Variants in NRBP1 observed in about 807,000 individuals in gnomAD.
The protein encoded by NRBP1 is nuclear receptor-binding protein.
A neutral mutation model predicts 76.0 loss-of-function variants in NRBP1; 10 were observed. That is an observed-to-expected ratio of 0.13 (90% CI 0.08 to 0.22). NRBP1 has a LOEUF of 0.22. Among genes scored for constraint, NRBP1 ranks in the 10% least tolerant of loss-of-function variants. NRBP1 has a pLI of 1.00. For synonymous variants in NRBP1, 235 were observed against 240.2 expected (o/e 0.98, Z 0.20); for missense variants, 344 against 646.0 (o/e 0.53, Z 5.07).
chr2:27,437,353 T>C lies in NRBP1; in HGVS notation c.896T>C (p.Leu299Ser), dbSNP rs1275723999. The change falls in exon 10 of 18, where the codon TTA (leucine) becomes TCA (serine). Residue 299 changes from leucine to serine, a missense_variant. By Grantham distance (145) the Leu-to-Ser change is moderately radical (BLOSUM62 -2). Around this residue, in one of 3 missense-constraint regions of NRBP1, gnomAD observed 218 missense variants for 309.8 expected, o/e 0.70. Coordinates refer to ENST00000379852, the MANE Select transcript of NRBP1 (RefSeq NM_013392.4). Reference protein sequence around the residue: ...SSAIQLLEDPLQREFIQKCLQ... With the variant: ...SSAIQLLEDPSQREFIQKCLQ... Reference sequence around the variant, plus strand: ...GCCATCCAGCTTCTAGAAGACCCATTACAGAGGGTAAGGATCTTCAGGATC... The same window carrying C: ...GCCATCCAGCTTCTAGAAGACCCATCACAGAGGGTAAGGATCTTCAGGATC... The C allele has an allele frequency of 6.2e-7, 1 of 1,611,322 alleles. No homozygotes were observed. Among genetic ancestry groups the C allele is most frequent in the Admixed American group, 1.7e-5 (1 of 59,958 alleles).
intron 1 of NRBP1, among the ~76,000 whole-genome samples, chr2:27,430,967 T>C (rs1320126898): frequency 1.3e-5 from 2 of 152,232 alleles, no homozygotes; most frequent in Admixed American, 1.3e-4. Flanking sequence ...TATAATACTT[T>C]TTCCTATAAA....
At chr2:27,440,381 C>G in intron 11 of NRBP1, 22 bp from the exon 12 acceptor site, 1 of 1,477,028 alleles carries the variant, frequency 6.8e-7, no homozygotes, top group Non-Finnish European at 9.5e-7. Flanking sequence ...TTCATAATAT[C>G]CCACTCCATC....
chr2:27,431,343 G>C (rs1252723747), intron 1 of NRBP1, among the ~76,000 whole-genome samples: 1 of 152,114 alleles, frequency 6.6e-6, no homozygotes, highest in Non-Finnish European at 1.5e-5. Context: ...TAGTCCCCCA[G>C]AGAATGGAAA....
intron 11 of NRBP1, 97 bp downstream of exon 11, chr2:27,439,995 CTTTTT>C (rs70953859): frequency 1.3e-4 from 59 of 459,694 alleles, no homozygotes; most frequent in Middle Eastern, 8.0e-4. Context: ...CAAAGGGATT[CTTTTT>C]TTTTTTTTTT....
intron 1 of NRBP1, among the ~76,000 whole-genome samples, chr2:27,431,182 C>T (rs2148444649): frequency 6.6e-6 from 1 of 152,258 alleles, no homozygotes; most frequent in South Asian, 2.1e-4. Flanking sequence ...TGCCCGTAGT[C>T]CCAGCTACTC....
rs559214460 is a variant in NRBP1 at position 27,439,400 on chromosome 2, G to A, written c.904-366G>A. On this transcript the variant is annotated intron_variant, in intron 10 of 17. Coordinates refer to ENST00000379852, the MANE Select transcript of NRBP1 (RefSeq NM_013392.4). ...CTCGGGAGGCTGAGGCAGGAGAATG[G>A]CGTGAACCCGGTAGGCAGAGGTTGC... Among the ~76,000 whole-genome samples, 194 of 151,610 alleles carry A rather than the reference G, an allele frequency of 1.3e-3. 1 individual carries two copies. Among genetic ancestry groups the A allele is most frequent in the Admixed American group, 3.9e-3 (59 of 15,230 alleles).
In NRBP1 at chr2:27,441,852, C is replaced by T. The variant is rs1458562659; in HGVS notation, c.*40C>T. ...AGGCCCTGATCTGCGCTGTGGCTGTCCCTGGACGTGCTGCAGCCCTCCTGT... is the reference window on the plus strand; with the variant it reads ...AGGCCCTGATCTGCGCTGTGGCTGTTCCTGGACGTGCTGCAGCCCTCCTGT... On this transcript the variant is annotated 3_prime_UTR_variant, in exon 18 of 18. Coordinates refer to ENST00000379852, the MANE Select transcript of NRBP1 (RefSeq NM_013392.4). 1.0e-5 allele frequency: 13 copies of T among 1,271,794 alleles called. No individual in the cohort carries two copies. Among genetic ancestry groups the T allele is most frequent in the African/African-American group, 2.9e-5 (2 of 68,184 alleles). The allele number at this position is 1,271,794 out of a possible 1,614,324, so 78.8% of individuals were successfully genotyped here.
In NRBP1 at chr2:27,441,731, T is replaced by C; in HGVS notation, c.1527T>C (p.Ser509=). Residue 509 remains serine (S), a synonymous_variant, in exon 18 of 18, where the codon TCT becomes TCC. Transcript: ENST00000379852. ...ISEADQSRLT[S]LLEETLNKFN... ...AGGCTGACCAGAGCCGGTTGACTTC[T>C]CTGCTAGAAGAGACCTTGAACAAGT... 1 of 1,614,046 alleles carries C rather than the reference T, an allele frequency of 6.2e-7. No individual in the cohort carries two copies. Among genetic ancestry groups the C allele is most frequent in the Non-Finnish European group, 8.5e-7 (1 of 1,179,926 alleles).
intron 1 of NRBP1, among the ~76,000 whole-genome samples, chr2:27,429,985 C>A (rs1321662282): frequency 6.6e-6 from 1 of 152,178 alleles, no homozygotes; most frequent in South Asian, 2.1e-4. Flanking sequence ...TAGTGTCTTA[C>A]CATTTTCTTA....
chr2:27,429,489 AAAGTG>A (rs1484294627), intron 1 of NRBP1: 1 of 151,884 alleles, frequency 6.6e-6, no homozygotes, highest in East Asian at 1.9e-4. Context: ...GCATTACTCC[AAAGTG>A]AACACACTGC....
chr2:27,438,006 G>A (rs897817433), intron 10 of NRBP1, among the ~76,000 whole-genome samples: 2 of 151,942 alleles, frequency 1.3e-5, no homozygotes, highest in African/African-American at 2.4e-5. Context: ...GGCCAACATG[G>A]TGAAACCCTG....
In NRBP1 at chr2:27,433,227, C is replaced by T. The variant is rs573214360; in HGVS notation, c.-20-27C>T. The T allele has an allele frequency of 4.0e-6, 6 of 1,505,464 alleles. No homozygotes were observed. The South Asian group carries it at 5.6e-5, about 14-fold the overall frequency. 93.3% of individuals were successfully genotyped at this position (1,505,464 alleles called of 1,614,324 possible). Reference sequence around the variant, plus strand: ...GTATCCTGACTTTCTCTGCCTTTTCCCTCTGTATTTGCCCCAACCAGTGCA... The same window carrying T: ...GTATCCTGACTTTCTCTGCCTTTTCTCTCTGTATTTGCCCCAACCAGTGCA... On this transcript the variant is annotated intron_variant, in intron 1 of 17. Coordinates refer to ENST00000379852, the MANE Select transcript of NRBP1 (RefSeq NM_013392.4).
chr2:27,428,961 C>T (rs1663986952), intron 1 of NRBP1, among the ~76,000 whole-genome samples: 2 of 151,318 alleles, frequency 1.3e-5, no homozygotes, highest in African/African-American at 4.9e-5. Context: ...CGGCGGCGCC[C>T]CGGGATTCTG....
At chr2:27,428,461 G>C, upstream of NRBP1, 1 of 392,264 alleles carries the variant, frequency 2.5e-6, no homozygotes, top group Non-Finnish European at 4.5e-6. Context: ...ACCCCTCCGA[G>C]AGGTCTCGGC....
rs768298741 is a variant in NRBP1 at position 27,441,760 on chromosome 2, A to G, written c.1556A>G (p.Asn519Ser). Residue 519 changes from asparagine (N) to serine (S), a missense_variant, in exon 18 of 18, where the codon AAT (asparagine) becomes AGT (serine). Asn to Ser is a conservative substitution (Grantham distance 46, BLOSUM62 1). This residue lies in a region of NRBP1 where 218 missense variants were observed against 309.8 expected (regional missense o/e 0.70). Transcript: ENST00000379852. ...CTAGAAGAGACCTTGAACAAGTTCA[A>G]TTTTGCCAGGAACAGTACCCTCAAC... Reference protein sequence around the residue: ...SLLEETLNKFNFARNSTLNSA... With the variant: ...SLLEETLNKFSFARNSTLNSA... The G allele has an allele frequency of 8.7e-6, 14 of 1,613,908 alleles. No individual in the cohort carries two copies. The highest frequency in any genetic ancestry group is 1.7e-5 in the Admixed American group (1 of 59,988).
At chr2:27,439,168 A>ATT (rs1262618826) in intron 10 of NRBP1, among the ~76,000 whole-genome samples, 1 of 152,086 alleles carries the variant, frequency 6.6e-6, no homozygotes, top group African/African-American at 2.4e-5. Context: ...TTGACTAATA[A>ATT]AGCAGAGAGG....
In NRBP1 at chr2:27,437,181, G is replaced by A. The variant is rs879165744; in HGVS notation, c.804+76G>A. On this transcript the variant is annotated intron_variant, in intron 9 of 17. Coordinates refer to ENST00000379852, the MANE Select transcript of NRBP1 (RefSeq NM_013392.4). Reference sequence around the variant, plus strand: ...TTGGGAATGGAGGGAAGACAAGTAAGGCGCTGGCTTGGAGGGAGTGATTGT... The same window carrying A: ...TTGGGAATGGAGGGAAGACAAGTAAAGCGCTGGCTTGGAGGGAGTGATTGT... 5 of 1,580,292 alleles carry A rather than the reference G, an allele frequency of 3.2e-6. No individual in the cohort carries two copies. The South Asian group carries it at 5.5e-5, about 18-fold the overall frequency.
rs769843578 is a variant in NRBP1, at chr2:27,433,272, G to A, written c.-2G>A. The A allele has an allele frequency of 1.9e-6, 3 of 1,613,158 alleles. No individual in the cohort carries two copies. Among genetic ancestry groups the A allele is most frequent in the Non-Finnish European group, 2.5e-6 (3 of 1,179,594 alleles). On this transcript the variant is annotated 5_prime_UTR_variant, in exon 2 of 18. Coordinates refer to ENST00000379852, the MANE Select transcript of NRBP1 (RefSeq NM_013392.4). ...AGTGCAGGCCTGAGTGTTCCTTCCA[G>A]CATGTCGGAGGGGGAGTCCCAGACA...
Position 27,439,859 on chromosome 2 carries a change from C to G in NRBP1, c.997C>G (p.Leu333Val), listed in dbSNP as rs750674505. 1.2e-6 allele frequency: 2 copies of G among 1,614,180 alleles called. No individual in the cohort carries two copies. The highest frequency in any genetic ancestry group is 1.7e-6 in the Non-Finnish European group (2 of 1,180,022). Reference protein sequence around the residue: ...FHPALFEVPSLKLLAAHCIVG... With the variant: ...FHPALFEVPSVKLLAAHCIVG... ...CCCAGCATTGTTTGAAGTGCCCTCG[C>G]TCAAACTCCTTGCGGCCCACTGCAT... The change falls in exon 11 of 18, where the codon CTC (leucine) becomes GTC (valine). Residue 333 changes from leucine (L) to valine (V), a missense_variant. Leu to Val is a conservative substitution (Grantham distance 32). Around this residue, in one of 3 missense-constraint regions of NRBP1, gnomAD observed 218 missense variants for 309.8 expected, o/e 0.70. Transcript: ENST00000379852.
Sources: allele counts gnomAD v4.1 joint callset (sites outside exome capture counted in the v4.1 genomes callset), GRCh38; gene constraint gnomAD v4.1.1; regional missense constraint gnomAD v4.1.1; transcripts MANE v1.5; gene names NCBI Gene and HGNC (gene_info 2026-07-23, HGNC 2026-07-21).